Variants in PIK3R5 observed in about 807,000 individuals in gnomAD.
PIK3R5 encodes the protein phosphoinositide 3-kinase regulatory subunit 5.
PIK3R5 carries 32 observed loss-of-function variants against 94.9 expected under a neutral mutation model. That is an observed-to-expected ratio of 0.34 (90% CI 0.25 to 0.45). The LOEUF is 0.45. Among genes scored for constraint, PIK3R5 ranks in the 20% least tolerant of loss-of-function variants. PIK3R5 has a pLI of 1.00. For missense variants in PIK3R5, 853 were observed against 1,144.6 expected, an observed-to-expected ratio of 0.75 and a Z score of 3.68; for synonymous variants, 443 against 479.4, an observed-to-expected ratio of 0.92 and a Z score of 0.99.
At position 8,888,044 on chromosome 17, in the gene PIK3R5, T is replaced by A. The variant is rs918798904; in HGVS notation, c.1616+127A>T. On this transcript the variant is annotated intron_variant, in intron 10 of 18. Transcript: ENST00000447110. This position sits in a 1 kb window ranked among gnomAD's most constrained non-coding sequence, Gnocchi z 7.8. ...ATAATAATAATAATAATAATAATAA[T>A]AATAAAATAAAAATAAATAAGGGAA... The A allele has an allele frequency of 5.6e-4, 159 of 282,354 alleles. No individual in the cohort carries two copies. The highest frequency in any genetic ancestry group is 2.9e-4 in the Non-Finnish European group (47 of 159,740). The allele number at this position is 282,354 out of a possible 1,614,324, so 17.5% of individuals were successfully genotyped here. A position where few individuals can be genotyped will look rare whatever the true frequency, so the allele number is the denominator to read the frequency against.
rs1177487123 is a variant in PIK3R5, at chr17:8,879,819, C to T, written c.*820G>A. The T allele has an allele frequency of 2.0e-5, 3 of 152,192 alleles. No individual in the cohort carries two copies. The highest frequency in any genetic ancestry group is 4.4e-5 in the Non-Finnish European group (3 of 68,032). The allele number at this position is 152,192 out of a possible 1,614,324, so 9.4% of individuals were successfully genotyped here. A position where few individuals can be genotyped will look rare whatever the true frequency, so the allele number is the denominator to read the frequency against. On this transcript the variant is annotated 3_prime_UTR_variant, in exon 19 of 19. Transcript: ENST00000447110. This position sits in a 1 kb window ranked among gnomAD's most constrained non-coding sequence, Gnocchi z 4.4. ...GCTAGGTGCTTTGCAGACAATTTAA[C>T]CTTTTAAGGATGTCTTATTTCCACC...
chr17:8,918,494 A>G (rs1224182611), intron 1 of PIK3R5, among the ~76,000 whole-genome samples: 1 of 152,250 alleles, frequency 6.6e-6, no homozygotes, highest in Non-Finnish European at 1.5e-5. Flanking sequence ...AATTATAGAT[A>G]ATTAAATGTT....
In PIK3R5 at chr17:8,888,713, G is replaced by A; in HGVS notation, c.1074C>T (p.Thr358=). ...AGGCCTGGGAGGATGCAAGGGACAA[G>A]GTGGAGTCATGGGACGCCAAAGAGC... ...STSSLASHDS[T]LSLASSQASG... Residue 358 remains threonine, a synonymous_variant, in exon 10 of 19, where the codon ACC becomes ACT. Coordinates refer to ENST00000447110, the MANE Select transcript of PIK3R5 (RefSeq NM_001142633.3). The surrounding 1 kb of genome is among the most constrained non-coding windows in gnomAD (Gnocchi z 7.8). 6.2e-7 allele frequency: 1 copy of A among 1,613,854 alleles called. No individual in the cohort carries two copies.
At chr17:8,931,133 A>G (rs1344984201) in intron 1 of PIK3R5, among the ~76,000 whole-genome samples, 1 of 152,278 alleles carries the variant, frequency 6.6e-6, no homozygotes, top group Admixed American at 6.5e-5. Context: ...AAAACTTAAA[A>G]GCCTTGTACA....
chr17:8,881,701 C>T lies in PIK3R5; in HGVS notation c.2311G>A (p.Glu771Lys). The change falls in exon 17 of 19, where the codon GAG becomes AAG. Residue 771 changes from glutamate (E) to lysine (K), a missense_variant. Glu to Lys is a moderately conservative substitution (Grantham distance 56, BLOSUM62 1). This residue lies in a region of PIK3R5 where 173 missense variants were observed against 274.1 expected (regional missense o/e 0.63). Coordinates refer to ENST00000447110, the MANE Select transcript of PIK3R5 (RefSeq NM_001142633.3). This position sits in a 1 kb window ranked among gnomAD's most constrained non-coding sequence, Gnocchi z 4.8. ...TCTGTCAGGTTTAGCGTCAGGGCCT[C>T]CATGCTGGAATCTGAGGGGCAAGGA... ...RKQEELDSSM[E>K]ALTLNLTEVV... 1 of 1,613,974 alleles carries T rather than the reference C, an allele frequency of 6.2e-7. No individual in the cohort carries two copies. Among genetic ancestry groups the T allele is most frequent in the South Asian group, 1.1e-5 (1 of 91,034 alleles).
intron 1 of PIK3R5, among the ~76,000 whole-genome samples, chr17:8,917,332 C>G (rs1289817503): frequency 1.3e-5 from 2 of 152,058 alleles, no homozygotes; most frequent in Non-Finnish European, 2.9e-5. Context: ...TCGAAATCAA[C>G]CAGAATATGG....
intron 1 of PIK3R5, among the ~76,000 whole-genome samples, chr17:8,924,245 ATTTT>A (rs111503577): frequency 7.2e-6 from 1 of 138,152 alleles, no homozygotes. Flanking sequence ...TGCCTGGCTA[ATTTT>A]TTTTTTTTTT....
Position 8,886,275 on chromosome 17 carries a change from G to C in PIK3R5, c.2082C>G (p.Ser694=), listed in dbSNP as rs1166196374. The change falls in exon 14 of 19, where the codon TCC becomes TCG. Residue 694 remains serine (S), a synonymous_variant. Transcript: ENST00000447110. ...GEKTTEIFIH[S]LELGHSAATR... ...TGGCAGCGGAGTGACCCAGCTCCAA[G>C]GAGTGGATGAAGATCTCTGTCGTCT... The C allele has an allele frequency of 6.2e-7, 1 of 1,613,706 alleles. No individual in the cohort carries two copies. Among genetic ancestry groups the C allele is most frequent in the Non-Finnish European group, 8.5e-7 (1 of 1,179,972 alleles).
Position 8,882,095 on chromosome 17 carries a change from C to A in PIK3R5, c.2206-214G>T. On this transcript the variant is annotated intron_variant, in intron 15 of 18. Transcript: ENST00000447110. This position sits in a 1 kb window ranked among gnomAD's most constrained non-coding sequence, Gnocchi z 4.1. ...ACTGGCTTGGTCTAGGGGTCAGCAGCCTCTGTGACCAGGTTGAAAGGTACA... is the reference window on the plus strand; with the variant it reads ...ACTGGCTTGGTCTAGGGGTCAGCAGACTCTGTGACCAGGTTGAAAGGTACA... The A allele has an allele frequency of 1.8e-6, 1 of 569,826 alleles. No homozygotes were observed. The highest frequency in any genetic ancestry group is 3.1e-6 in the Non-Finnish European group (1 of 317,594). 35.3% of individuals were successfully genotyped at this position (569,826 alleles called of 1,614,324 possible).
Position 8,893,604 on chromosome 17 carries a change from C to T in PIK3R5, c.464G>A (p.Ser155Asn). The T allele has an allele frequency of 1.2e-6, 2 of 1,613,974 alleles. No individual in the cohort carries two copies. Among genetic ancestry groups the T allele is most frequent in the Non-Finnish European group, 1.7e-6 (2 of 1,179,894 alleles). The part of the protein sequence containing the change: ...VRAEQGLPIR[S>N]HRSSTVTVLL... ...CACTCACACGGTGGAGCTGCGGTGA[C>T]TCCTGATGGGCAGGCCCTGCTCAGC... Residue 155 changes from serine (S) to asparagine (N), a missense_variant, in exon 6 of 19, where the codon AGT (serine) becomes AAT (asparagine). By Grantham distance (46) the Ser-to-Asn change is conservative. Transcript: ENST00000447110. This position sits in a 1 kb window ranked among gnomAD's most constrained non-coding sequence, Gnocchi z 5.1.
At chr17:8,923,840 A>T (rs2090801923) in intron 1 of PIK3R5, among the ~76,000 whole-genome samples, 1 of 150,622 alleles carries the variant, frequency 6.6e-6, no homozygotes, top group African/African-American at 2.4e-5. Flanking sequence ...GGATGTGGAA[A>T]AAGATTGCAG....
chr17:8,959,553 C>T (rs760044062), intron 1 of PIK3R5, among the ~76,000 whole-genome samples: 22 of 152,156 alleles, frequency 1.4e-4, no homozygotes, highest in Non-Finnish European at 2.9e-4. Context: ...AGACTCTCCT[C>T]GAAGAGTTGT....
In PIK3R5 at chr17:8,955,168, G is replaced by T. The variant is rs1355239317; in HGVS notation, c.-14+10428C>A. Among the ~76,000 whole-genome samples the T allele has an allele frequency of 6.6e-6, 1 of 152,156 alleles. No individual in the cohort carries two copies. On this transcript the variant is annotated intron_variant, in intron 1 of 18. Transcript: ENST00000447110. This position sits in a 1 kb window ranked among gnomAD's most constrained non-coding sequence, Gnocchi z 4.4. Reference sequence around the variant, plus strand: ...GGGAGGATGACCGAACCCCACAGAGGTCTCAGATGGGGAGCAGCCCAGCCT... The same window carrying T: ...GGGAGGATGACCGAACCCCACAGAGTTCTCAGATGGGGAGCAGCCCAGCCT...
chr17:8,937,541 C>T (rs1322062896), intron 1 of PIK3R5, among the ~76,000 whole-genome samples: 1 of 152,172 alleles, frequency 6.6e-6, no homozygotes, highest in African/African-American at 2.4e-5. Flanking sequence ...CGTTAGTTGA[C>T]TTTCAAATAT....
chr17:8,886,711 A>T, intron 12 of PIK3R5, 106 bp from the exon 13 acceptor site: 5 of 1,279,364 alleles, frequency 3.9e-6, no homozygotes, highest in South Asian at 1.4e-5. Context: ...AGAGGCAGCC[A>T]GTCAGGGGGA....
At chr17:8,962,297 A>G (rs1442629077) in intron 1 of PIK3R5, among the ~76,000 whole-genome samples, 1 of 152,262 alleles carries the variant, frequency 6.6e-6, no homozygotes, top group African/African-American at 2.4e-5. Flanking sequence ...GAGAAAGATG[A>G]AAGAGAACGA....
intron 1 of PIK3R5, among the ~76,000 whole-genome samples, chr17:8,934,039 G>A (rs189179165): frequency 6.6e-6 from 1 of 152,200 alleles, no homozygotes; most frequent in East Asian, 1.9e-4. Flanking sequence ...TGGGAGCAAA[G>A]CAAGGATGTC....
chr17:8,931,666 C>T (rs1008597527), intron 1 of PIK3R5, among the ~76,000 whole-genome samples: 1 of 152,150 alleles, frequency 6.6e-6, no homozygotes, highest in African/African-American at 2.4e-5. Context: ...AAAAGAAGAG[C>T]TCAAGAAGAC....
chr17:8,897,441 C>T (rs902033722), intron 5 of PIK3R5, among the ~76,000 whole-genome samples: 1 of 152,182 alleles, frequency 6.6e-6, no homozygotes, highest in South Asian at 2.1e-4. Flanking sequence ...CCCACGGAAA[C>T]GCCTGTGGGA....
Sources: allele counts gnomAD v4.1 joint callset (sites outside exome capture counted in the v4.1 genomes callset), GRCh38; gene constraint gnomAD v4.1.1; regional missense constraint gnomAD v4.1.1; non-coding constraint Gnocchi (gnomAD v3.1); transcripts MANE v1.5; gene names NCBI Gene and HGNC (gene_info 2026-07-23, HGNC 2026-07-21).